The following RAP1GAP2 variants were observed in gnomAD, a reference collection of about 807,000 sequenced individuals.
RAP1GAP2 encodes rap1 GTPase-activating protein 2.
In RAP1GAP2, 27 loss-of-function variants were observed where a neutral mutation model predicts 95.0. That is an observed-to-expected ratio of 0.28 (90% CI 0.21 to 0.39). The LOEUF (loss-of-function observed/expected upper bound fraction) is 0.39, where lower values mean the gene tolerates loss of function less well. RAP1GAP2 is among the 10% of genes least tolerant of loss of function. The pLI, the probability that RAP1GAP2 is intolerant of heterozygous loss-of-function variation, is 1.00. For missense variants in RAP1GAP2, 771 were observed against 970.0 expected (o/e 0.79, Z 2.72); for synonymous variants, 373 against 380.9 (o/e 0.98, Z 0.24).
At chr17:2,872,723 T>A (rs1002990189) in intron 2 of RAP1GAP2, among the ~76,000 whole-genome samples, 2 of 151,962 alleles carry the variant, frequency 1.3e-5, no homozygotes, top group South Asian at 2.1e-4. Context: ...CAAAGTTTTG[T>A]TCTGTCACCC....
chr17:2,957,709 G>A, intron 3 of RAP1GAP2, 50 bp from the exon 4 acceptor site: 1 of 1,579,066 alleles, frequency 6.3e-7, no homozygotes, highest in Non-Finnish European at 8.6e-7. Context: ...TTTTGCTGTG[G>A]ACCTCCCGGC....
intron 2 of RAP1GAP2, among the ~76,000 whole-genome samples, chr17:2,805,995 G>A (rs1320634147): frequency 6.6e-6 from 1 of 152,144 alleles, no homozygotes; most frequent in Non-Finnish European, 1.5e-5. Context: ...TGCAGCCCTT[G>A]GTCCCTAGAA....
chr17:2,852,297 T>C (rs956351455), intron 2 of RAP1GAP2, among the ~76,000 whole-genome samples: 1 of 147,842 alleles, frequency 6.8e-6, no homozygotes, highest in Non-Finnish European at 1.5e-5. Context: ...TCCATGGCTA[T>C]CTATATCTCT....
chr17:3,008,183 T>G lies in RAP1GAP2; in HGVS notation c.1494+38T>G. The G allele has an allele frequency of 1.2e-6, 2 of 1,612,022 alleles. No homozygotes were observed. The highest frequency in any genetic ancestry group is 1.7e-6 in the Non-Finnish European group (2 of 1,178,630). On this transcript the variant is annotated intron_variant, in intron 17 of 24. Transcript: ENST00000254695. The surrounding 1 kb of genome is among the most constrained non-coding windows in gnomAD (Gnocchi z 4.2). ...GAGTGACTGATGGTTGCTGTGGGGT[T>G]GGGATTGGGGAAGAAAGGAAGTGGT...
At chr17:2,916,443 T>C (rs1489682108) in intron 3 of RAP1GAP2, among the ~76,000 whole-genome samples, 2 of 152,214 alleles carry the variant, frequency 1.3e-5, no homozygotes, top group Non-Finnish European at 2.9e-5. Context: ...GCATCTCTGA[T>C]TGAAATTGTC....
chr17:2,843,567 G>T (rs1394714372), intron 2 of RAP1GAP2, among the ~76,000 whole-genome samples: 1 of 151,918 alleles, frequency 6.6e-6, no homozygotes, highest in Admixed American at 6.6e-5. Flanking sequence ...GATTACAGGT[G>T]TGAGCCACCG....
chr17:2,935,310 C>T (rs779802487), intron 3 of RAP1GAP2, among the ~76,000 whole-genome samples: 6 of 152,308 alleles, frequency 3.9e-5, no homozygotes, highest in Non-Finnish European at 8.8e-5. Context: ...GAGCTCAAGA[C>T]CAGACTGACC....
chr17:2,988,208 CAA>C (rs34528475), intron 11 of RAP1GAP2, among the ~76,000 whole-genome samples: 235 of 135,946 alleles, frequency 1.7e-3, no homozygotes, highest in African/African-American at 4.6e-3. Flanking sequence ...AACTCCATCT[CAA>C]AAAAAAAAAA....
rs113368420 is a variant in RAP1GAP2 at position 2,871,618 on chromosome 17, G to A, written c.81-33666G>A. Among the ~76,000 whole-genome samples the A allele has an allele frequency of 1.4e-3, 219 of 152,296 alleles. No individual in the cohort carries two copies. The highest frequency in any genetic ancestry group is 5.0e-3 in the African/African-American group (209 of 41,582). On this transcript the variant is annotated intron_variant, in intron 2 of 24. Coordinates refer to ENST00000254695, the MANE Select transcript of RAP1GAP2 (RefSeq NM_015085.5). The surrounding 1 kb of genome is among the most constrained non-coding windows in gnomAD (Gnocchi z 5.0). ...GTGCCAGCCACGGGGGTGCCAGCAC[G>A]GCGTGTTGGGTGAGCACGTGGACCC...
At chr17:2,869,797 T>C (rs2072770213) in intron 2 of RAP1GAP2, among the ~76,000 whole-genome samples, 1 of 152,156 alleles carries the variant, frequency 6.6e-6, no homozygotes, top group Non-Finnish European at 1.5e-5. Context: ...TTTCCTGCAG[T>C]CTTGGGCTCA....
intron 2 of RAP1GAP2, among the ~76,000 whole-genome samples, chr17:2,805,536 A>ATTG (rs1474098783): frequency 4.6e-5 from 7 of 151,618 alleles, no homozygotes; most frequent in Admixed American, 1.3e-4. Context: ...TATTATTATT[A>ATTG]TTATTTTTGT....
chr17:2,984,335 G>A (rs2045478227), intron 10 of RAP1GAP2, among the ~76,000 whole-genome samples: 2 of 152,082 alleles, frequency 1.3e-5, no homozygotes, highest in South Asian at 2.1e-4. Context: ...GTGACAGAGC[G>A]AGACTCCATC....
At chr17:2,957,909 A>T (rs2151474051) in intron 4 of RAP1GAP2, 115 bp downstream of exon 4, 1 of 1,131,418 alleles carries the variant, frequency 8.8e-7, no homozygotes, top group Admixed American at 2.8e-5. Context: ...GGGTGCAGAG[A>T]AGAGACAATT....
intron 2 of RAP1GAP2, among the ~76,000 whole-genome samples, chr17:2,889,839 C>A (rs140984736): frequency 1.4e-5 from 2 of 139,754 alleles, no homozygotes; most frequent in African/African-American, 2.6e-5. Flanking sequence ...CACGCCACCA[C>A]GCCTGGCTAA....
intron 3 of RAP1GAP2, among the ~76,000 whole-genome samples, chr17:2,905,765 GC>G (rs2151732495): frequency 6.6e-6 from 1 of 152,190 alleles, no homozygotes; most frequent in East Asian, 1.9e-4. Flanking sequence ...CCTCTGGCTG[GC>G]CCTTCTGAGC....
chr17:2,981,315 CT>C (rs1555586474), intron 10 of RAP1GAP2, 67 bp downstream of exon 10: 6 of 1,429,548 alleles, frequency 4.2e-6, no homozygotes, highest in Non-Finnish European at 5.8e-6. Flanking sequence ...ACCTGTGGCT[CT>C]TTGGGGAGTT....
intron 11 of RAP1GAP2, among the ~76,000 whole-genome samples, chr17:2,988,778 C>G (rs1473968199): frequency 6.6e-6 from 1 of 152,128 alleles, no homozygotes; most frequent in Non-Finnish European, 1.5e-5. Flanking sequence ...TAAGAAACTG[C>G]CGGCCGGGCG....
At chr17:2,802,188 C>T (rs2069330428) in intron 2 of RAP1GAP2, among the ~76,000 whole-genome samples, 1 of 152,208 alleles carries the variant, frequency 6.6e-6, no homozygotes, top group Non-Finnish European at 1.5e-5. Flanking sequence ...CCTGCCTAGT[C>T]TCCCTCTGTC....
intron 2 of RAP1GAP2, among the ~76,000 whole-genome samples, chr17:2,822,192 C>G (rs1279604106): frequency 6.6e-6 from 1 of 152,158 alleles, no homozygotes; most frequent in African/African-American, 2.4e-5. Flanking sequence ...CGCACACACA[C>G]ACACAGGTAT....
Sources: allele counts gnomAD v4.1 joint callset (sites outside exome capture counted in the v4.1 genomes callset), GRCh38; gene constraint gnomAD v4.1.1; non-coding constraint Gnocchi (gnomAD v3.1); transcripts MANE v1.5; gene names NCBI Gene and HGNC (gene_info 2026-07-23, HGNC 2026-07-21).